Variants in FRMD4B observed in about 807,000 individuals in gnomAD.
FRMD4B encodes FERM domain containing 4B, also known as FERM domain-containing protein 4B.
In FRMD4B, 74 loss-of-function variants were observed where a neutral mutation model predicts 141.5. That is an observed-to-expected ratio of 0.52 (90% confidence interval 0.43 to 0.63). The LOEUF (loss-of-function observed/expected upper bound fraction) is 0.63, where lower values mean the gene tolerates loss of function less well. Ranked by LOEUF, FRMD4B falls within the 30% of genes least tolerant of loss-of-function variation. The pLI is 0.00. For missense variants in FRMD4B, 1,366 were observed against 1,253.4 expected (o/e 1.09, Z -1.36); for synonymous variants, 506 against 467.9 (o/e 1.08, Z -1.05).
intron 1 of FRMD4B, among the ~76,000 whole-genome samples, chr3:69,491,498 C>T (rs906938240): frequency 5.9e-5 from 9 of 152,180 alleles, no homozygotes; most frequent in African/African-American, 2.2e-4. Flanking sequence ...AAGAAAATGA[C>T]ACCTATTTGC....
chr3:69,360,933 A>G (rs902281655), intron 1 of FRMD4B, among the ~76,000 whole-genome samples: 1 of 152,170 alleles, frequency 6.6e-6, no homozygotes. Context: ...CTTACTAGTG[A>G]GAATATTTCT....
chr3:69,472,569 TAC>T (rs1280422323), intron 1 of FRMD4B: 1 of 217,818 alleles, frequency 4.6e-6, no homozygotes, highest in African/African-American at 2.3e-5. Flanking sequence ...ACCAAAATGT[TAC>T]AGTTTTGCCA....
At chr3:69,404,458 G>C (rs1213771845) in intron 2 of FRMD4B, among the ~76,000 whole-genome samples, 1 of 152,044 alleles carries the variant, frequency 6.6e-6, no homozygotes, top group Non-Finnish European at 1.5e-5. Context: ...GCTACTTTTT[G>C]TTGATTTGTT....
At chr3:69,437,852 ATAGTATATATG>A (rs566756604) in intron 1 of FRMD4B, among the ~76,000 whole-genome samples, 3,456 of 129,328 alleles carry the variant, frequency 0.027, 134 homozygotes, top group East Asian at 0.088. Flanking sequence ...TATATATACT[ATAGTATATATG>A]TAGTATATAT....
chr3:69,193,723 C>G lies in FRMD4B; in HGVS notation c.1639G>C (p.Glu547Gln), dbSNP rs769980663. 1 of 1,613,760 alleles carries G rather than the reference C, an allele frequency of 6.2e-7. No individual in the cohort carries two copies. Among genetic ancestry groups the G allele is most frequent in the Non-Finnish European group, 8.5e-7 (1 of 1,179,752 alleles). ...TATTCGTTTATTGCATTTTCAATCT[C>G]CTGAAGCTTTTTCATCGCATCTGTG... ...DYTDAMKKLQ[E>Q]IENAINEYRI... is the part of the protein sequence containing the mutation. Residue 547 changes from glutamate (E) to glutamine (Q), a missense_variant, in exon 17 of 23, where the codon GAG (glutamate) becomes CAG (glutamine). Coordinates refer to ENST00000398540, the MANE Select transcript of FRMD4B (RefSeq NM_015123.3).
chr3:69,221,830 A>G (rs1265928852), intron 9 of FRMD4B, 28 bp downstream of exon 9: 1 of 1,224,862 alleles, frequency 8.2e-7, no homozygotes. Context: ...TATTAAAATT[A>G]TATCTAAGCA....
intron 1 of FRMD4B, among the ~76,000 whole-genome samples, chr3:69,346,500 G>A (rs1559820519): frequency 1.3e-5 from 2 of 152,048 alleles, no homozygotes; most frequent in Admixed American, 6.6e-5. Context: ...GATACTCCTC[G>A]AGAAGAGCAA....
intron 11 of FRMD4B, among the ~76,000 whole-genome samples, chr3:69,203,637 A>G (rs2092994679): frequency 6.6e-6 from 1 of 152,206 alleles, no homozygotes; most frequent in Admixed American, 6.5e-5. Flanking sequence ...CAAGCTGCTT[A>G]ACTTTCCTGA....
intron 2 of FRMD4B, among the ~76,000 whole-genome samples, chr3:69,424,769 C>T (rs1705050027): frequency 6.6e-6 from 1 of 152,078 alleles, no homozygotes; most frequent in Non-Finnish European, 1.5e-5. Flanking sequence ...AAAAAAGCAA[C>T]TTCTTTAAAA....
chr3:69,471,084 A>G (rs1219466551), intron 1 of FRMD4B, among the ~76,000 whole-genome samples: 3 of 152,218 alleles, frequency 2.0e-5, no homozygotes, highest in African/African-American at 7.2e-5. Context: ...GTTATCTTCC[A>G]AACTTCTCAT....
intron 5 of FRMD4B, among the ~76,000 whole-genome samples, chr3:69,281,084 C>G (rs1367610229): frequency 6.6e-6 from 1 of 152,102 alleles, no homozygotes; most frequent in Non-Finnish European, 1.5e-5. Flanking sequence ...CCATGCACCA[C>G]TATGCCCGGC....
intron 1 of FRMD4B, chr3:69,323,002 G>A (rs923254090): frequency 1.0e-5 from 10 of 973,170 alleles, no homozygotes; most frequent in African/African-American, 1.8e-5. Context: ...TACCAAAGTA[G>A]GACTCCTGTA....
rs1263973162 is a variant in FRMD4B at position 69,385,888 on chromosome 3, C to T, written c.102G>A (p.Glu34=). The T allele has an allele frequency of 1.9e-6, 3 of 1,602,270 alleles. No homozygotes were observed. The highest frequency in any genetic ancestry group is 2.7e-5 in the African/African-American group (2 of 74,708). ...GCACCTGGTGGCAAGCCCGCAGCCT[C>T]TCCGTGTACCATCTCCGCAGCGTGG... ...TVSTLRRWYT[E]RLRACHQVLR... is the part of the protein sequence containing the mutation. Residue 34 remains glutamate, a synonymous_variant, in exon 1 of 23, where the codon GAG becomes GAA. Transcript: ENST00000398540.
chr3:69,315,568 G>C (rs1383799333), intron 1 of FRMD4B, among the ~76,000 whole-genome samples: 1 of 152,114 alleles, frequency 6.6e-6, no homozygotes, highest in East Asian at 1.9e-4. Context: ...ATTTCAGTAG[G>C]ACTATGCTTC....
intron 5 of FRMD4B, among the ~76,000 whole-genome samples, chr3:69,273,956 C>G (rs1212965932): frequency 6.7e-6 from 1 of 150,272 alleles, no homozygotes; most frequent in Non-Finnish European, 1.5e-5. Context: ...GGGGCAGAGA[C>G]TAGAGCTGAA....
chr3:69,199,964 A>C (rs1263138321), intron 11 of FRMD4B, among the ~76,000 whole-genome samples: 2 of 138,844 alleles, frequency 1.4e-5, no homozygotes, highest in Non-Finnish European at 3.1e-5. Context: ...CTCTGCCCCC[A>C]GACTTGATTA....
chr3:69,235,535 T>C (rs1468542929), intron 7 of FRMD4B, among the ~76,000 whole-genome samples: 1 of 151,950 alleles, frequency 6.6e-6, no homozygotes, highest in Non-Finnish European at 1.5e-5. Context: ...GGTGGGTGCC[T>C]GTAATCCTAG....
At chr3:69,494,103 C>T (rs988096367) in intron 1 of FRMD4B, among the ~76,000 whole-genome samples, 4 of 152,198 alleles carry the variant, frequency 2.6e-5, no homozygotes, top group African/African-American at 4.8e-5. Context: ...TGGTCTCGAA[C>T]TCTCGGCATC....
At chr3:69,208,387 A>G (rs1159283172) in intron 11 of FRMD4B, among the ~76,000 whole-genome samples, 1 of 152,016 alleles carries the variant, frequency 6.6e-6, no homozygotes, top group Non-Finnish European at 1.5e-5. Context: ...TTTAGTAGAG[A>G]TAGGGTTTCA....
Sources: gnomAD v4.1 joint callset for allele counts (sites outside exome capture counted in the v4.1 genomes callset) on GRCh38, gnomAD v4.1.1 for gene constraint, MANE v1.5 for transcripts, NCBI Gene and HGNC (gene_info 2026-07-23, HGNC 2026-07-21) for gene names.